The following POTEH variants were observed in gnomAD, a reference collection of about 807,000 sequenced individuals.
The protein encoded by POTEH is POTE ankyrin domain family member H.
A neutral mutation model predicts 41.7 loss-of-function variants in POTEH; 6 were observed. The observed-to-expected ratio is 0.14, with a 90% CI of 0.08 to 0.28. POTEH has a LOEUF of 0.28. POTEH is among the 10% of genes least tolerant of loss of function. POTEH has a pLI of 1.00. For missense variants in POTEH, 115 were observed against 533.5 expected, an observed-to-expected ratio of 0.22 and a Z score of 7.73; for synonymous variants, 38 against 179.9, an observed-to-expected ratio of 0.21 and a Z score of 6.31.
At chr22:15,707,772 T>C in intron 6 of POTEH, among the ~76,000 whole-genome samples, 2 of 141,752 alleles carry the variant, frequency 1.4e-5, no homozygotes, top group Non-Finnish European at 3.1e-5. Context: ...TGTTCATTTA[T>C]GTTGGGTGGA....
intron 10 of POTEH, among the ~76,000 whole-genome samples, chr22:15,720,122 G>GAGA (rs1294946553): frequency 8.2e-5 from 5 of 61,088 alleles, no homozygotes; most frequent in Non-Finnish European, 1.5e-4. Flanking sequence ...AATGTTAATA[G>GAGA]AGAAGTCAAT....
chr22:15,711,303 G>A (rs1335157827), intron 9 of POTEH, among the ~76,000 whole-genome samples: 1 of 152,078 alleles, frequency 6.6e-6, no homozygotes, highest in Non-Finnish European at 1.5e-5. Flanking sequence ...TTATTATATA[G>A]GTAAACTGTA....
chr22:15,699,503 A>G (rs1176747046), intron 4 of POTEH: 5 of 191,968 alleles, frequency 2.6e-5, no homozygotes, highest in African/African-American at 1.2e-4. Flanking sequence ...TGGGAACGTT[A>G]TTTACCACCA....
chr22:15,691,525 CAAAAAAAAA>C (rs1173004751), intron 1 of POTEH, among the ~76,000 whole-genome samples: 1 of 88,096 alleles, frequency 1.1e-5, no homozygotes, highest in Non-Finnish European at 2.4e-5. Flanking sequence ...GACTCCGTCT[CAAAAAAAAA>C]AAAAAAAAAA....
intron 3 of POTEH, among the ~76,000 whole-genome samples, chr22:15,696,721 A>T (rs2044565503): frequency 2.1e-5 from 2 of 95,444 alleles, no homozygotes; most frequent in African/African-American, 6.5e-5. Context: ...ATAAATGAGT[A>T]ACAAGATCAA....
In POTEH at chr22:15,691,846, A is replaced by T. The variant is rs530524140; in HGVS notation, c.632+1137A>T. Among the ~76,000 whole-genome samples the T allele has an allele frequency of 5.4e-5, 8 of 149,268 alleles. No homozygotes were observed. The South Asian group carries it at 1.5e-3, about 28-fold the overall frequency. ...GTTTTGTATTATTTAAAAAAGATGGATTGTTCATAATTCATTTTTGGAGAA... is the reference window on the plus strand; with the variant it reads ...GTTTTGTATTATTTAAAAAAGATGGTTTGTTCATAATTCATTTTTGGAGAA... On this transcript the variant is annotated intron_variant, in intron 1 of 10. Transcript: ENST00000343518.
At chr22:15,717,055 G>C in intron 9 of POTEH, among the ~76,000 whole-genome samples, 1 of 72,690 alleles carries the variant, frequency 1.4e-5, no homozygotes, top group Non-Finnish European at 2.9e-5. Flanking sequence ...AGGTATGTAT[G>C]TGTATGAATT....
intron 1 of POTEH, among the ~76,000 whole-genome samples, chr22:15,691,592 G>A (rs1206861783): frequency 4.4e-4 from 62 of 141,936 alleles, no homozygotes; most frequent in African/African-American, 1.5e-3. Context: ...AATAAAAATA[G>A]CAGTTTTAGA....
intron 10 of POTEH, among the ~76,000 whole-genome samples, chr22:15,720,965 GA>G (rs1990009569): frequency 1.4e-5 from 2 of 142,500 alleles, no homozygotes; most frequent in South Asian, 4.7e-4. Flanking sequence ...GTAACTCAGA[GA>G]AAGGCTTTTT....
At chr22:15,697,912 G>A (rs1165418826) in intron 3 of POTEH, among the ~76,000 whole-genome samples, 1 of 149,048 alleles carries the variant, frequency 6.7e-6, no homozygotes, top group Non-Finnish European at 1.5e-5. Flanking sequence ...TTTCTCAATT[G>A]GAATTAAGCA....
chr22:15,690,754 T>C, intron 1 of POTEH, 45 bp downstream of exon 1: 1 of 1,394,660 alleles, frequency 7.2e-7, no homozygotes, highest in Non-Finnish European at 9.9e-7. Context: ...GGGAGGATGA[T>C]GGGGACATAC....
chr22:15,693,073 T>TA (rs1368348748), intron 1 of POTEH, among the ~76,000 whole-genome samples: 1 of 126,914 alleles, frequency 7.9e-6, no homozygotes, highest in East Asian at 2.1e-4. Flanking sequence ...AGGGTGTCAG[T>TA]ACATAGAGAT....
At chr22:15,690,797 T>G in intron 1 of POTEH, 88 bp downstream of exon 1, 1 of 1,381,602 alleles carries the variant, frequency 7.2e-7, no homozygotes, top group African/African-American at 1.5e-5. Flanking sequence ...AGCCTGGTTT[T>G]CTTGCCTCCA....
At chr22:15,712,711 T>G (rs1989846580) in intron 9 of POTEH, among the ~76,000 whole-genome samples, 1 of 95,224 alleles carries the variant, frequency 1.1e-5, no homozygotes, top group Non-Finnish European at 1.9e-5. Flanking sequence ...TAAGATTATT[T>G]TCTGCATTTC....
At position 15,710,904 on chromosome 22, in the gene POTEH, A is replaced by G; in HGVS notation, c.1390A>G (p.Met464Val). Reference sequence around the variant, plus strand: ...AATGAAGAAGCACGGAAGTACTCATATGGGATTCCCAGAAAACCTGACTAA... The same window carrying G: ...AATGAAGAAGCACGGAAGTACTCATGTGGGATTCCCAGAAAACCTGACTAA... ...EEMKKHGSTH[M>V]GFPENLTNGA... is the part of the protein sequence containing the mutation. The change falls in exon 9 of 11, where the codon ATG (methionine) becomes GTG (valine). Residue 464 changes from methionine to valine, a missense_variant. Coordinates refer to ENST00000343518, the MANE Select transcript of POTEH (RefSeq NM_001136213.1). The G allele has an allele frequency of 6.2e-7, 1 of 1,614,276 alleles. No homozygotes were observed. Among genetic ancestry groups the G allele is most frequent in the South Asian group, 1.1e-5 (1 of 91,082 alleles).
chr22:15,707,973 CT>C (rs1294798193), intron 6 of POTEH, 46 bp from the exon 7 acceptor site: 1 of 699,302 alleles, frequency 1.4e-6, no homozygotes, highest in Non-Finnish European at 2.3e-6. Context: ...TAGTTTTTAA[CT>C]GTTGTAAGTG....
intron 8 of POTEH, among the ~76,000 whole-genome samples, chr22:15,710,245 C>T (rs201672277): frequency 9.8e-3 from 1,435 of 145,956 alleles, no homozygotes; most frequent in African/African-American, 0.033. Context: ...ATGATTGTAC[C>T]TCAGCAGTTT....
At chr22:15,692,646 T>G (rs1311339423) in intron 1 of POTEH, among the ~76,000 whole-genome samples, 1 of 106,424 alleles carries the variant, frequency 9.4e-6, no homozygotes, top group Non-Finnish European at 2.0e-5. Context: ...TCCCAGCTAC[T>G]CAGGAGGCTG....
At chr22:15,692,030 G>C (rs1211729487) in intron 1 of POTEH, among the ~76,000 whole-genome samples, 1 of 131,400 alleles carries the variant, frequency 7.6e-6, no homozygotes, top group African/African-American at 2.8e-5. Flanking sequence ...TTTTTTGATG[G>C]AGTCTCACTC....
Sources: gnomAD v4.1 joint callset for allele counts (sites outside exome capture counted in the v4.1 genomes callset) on GRCh38, gnomAD v4.1.1 for gene constraint, MANE v1.5 for transcripts, NCBI Gene and HGNC (gene_info 2026-07-23, HGNC 2026-07-21) for gene names.